The following CRYZL1 variants were observed in gnomAD, a reference collection of about 807,000 sequenced individuals.
The protein encoded by CRYZL1 is crystallin zeta like 1, also known as ferry endosomal RAB5 effector complex subunit 4.
A neutral mutation model predicts 50.6 loss-of-function variants in CRYZL1; 34 were observed. The observed-to-expected ratio is 0.67, with a 90% CI of 0.51 to 0.89. The LOEUF is 0.89. Among genes scored for constraint, CRYZL1 ranks in the 40% least tolerant of loss-of-function variants. The probability of loss-of-function intolerance (pLI) is 0.00; values close to 1 mark genes in which losing one functional copy is unlikely to be tolerated. For synonymous variants in CRYZL1, 125 were observed against 134.3 expected (o/e 0.93, Z 0.48); for missense variants, 354 against 402.3 (o/e 0.88, Z 1.03).
intron 10 of CRYZL1, chr21:33,596,069 G>A (rs1242202538): frequency 1.7e-6 from 1 of 597,450 alleles, no homozygotes. Context: ...AATCCTGGTG[G>A]TGAAGTGGTA....
intron 6 of CRYZL1, among the ~76,000 whole-genome samples, chr21:33,606,471 C>A (rs1174134914): frequency 6.6e-6 from 1 of 150,958 alleles, no homozygotes; most frequent in Non-Finnish European, 1.5e-5. Context: ...ACTAAAAATA[C>A]AAAAATTAGC....
chr21:33,607,585 T>C (rs963710905), intron 6 of CRYZL1, among the ~76,000 whole-genome samples: 1 of 152,100 alleles, frequency 6.6e-6, no homozygotes, highest in Non-Finnish European at 1.5e-5. Flanking sequence ...TGAATTGTGA[T>C]AATTCCACTT....
chr21:33,602,304 T>A lies in CRYZL1; in HGVS notation c.507A>T (p.Gly169=). 6.2e-7 allele frequency: 1 copy of A among 1,612,584 alleles called. No homozygotes were observed. Among genetic ancestry groups the A allele is most frequent in the East Asian group, 2.2e-5 (1 of 44,876 alleles). ...TIAIQLAHHR[G]AKVISTACSL... is the part of the protein sequence containing the mutation. ...TGCATGCTGTTGAAATCACTTTGGC[T>A]CCTCTATGATGTGCTAACTGAATAG... Residue 169 remains glycine (G), a synonymous_variant, in exon 8 of 13, where the codon GGA becomes GGT. Coordinates refer to ENST00000381554, the MANE Select transcript of CRYZL1 (RefSeq NM_145858.3).
chr21:33,636,717 T>A (rs1317707749), intron 1 of CRYZL1, among the ~76,000 whole-genome samples: 1 of 152,236 alleles, frequency 6.6e-6, no homozygotes, highest in Admixed American at 6.5e-5. Context: ...AAAAAATCAA[T>A]GGGAAGTAGT....
At chr21:33,621,508 A>AT (rs2087001282) in intron 4 of CRYZL1, among the ~76,000 whole-genome samples, 1 of 151,266 alleles carries the variant, frequency 6.6e-6, no homozygotes, top group African/African-American at 2.4e-5. Flanking sequence ...CGCCCAGCTA[A>AT]TTTTTTGTAT....
intron 4 of CRYZL1, among the ~76,000 whole-genome samples, chr21:33,621,071 A>C (rs1242892299): frequency 6.8e-6 from 1 of 147,642 alleles, no homozygotes; most frequent in Non-Finnish European, 1.5e-5. Context: ...TCGCCCGGCT[A>C]ATTTTTTGTA....
Position 33,589,701 on chromosome 21 carries a change from A to C in CRYZL1, c.*121T>G, listed in dbSNP as rs1433141576. Reference sequence around the variant, plus strand: ...ACTGAGCATCTTGTCTTAGCAGAGAAACGTGCTTAAAAATGCAACTTGTTT... The same window carrying C: ...ACTGAGCATCTTGTCTTAGCAGAGACACGTGCTTAAAAATGCAACTTGTTT... On this transcript the variant is annotated 3_prime_UTR_variant, in exon 13 of 13. Coordinates refer to ENST00000381554, the MANE Select transcript of CRYZL1 (RefSeq NM_145858.3). 1 of 659,752 alleles carries C rather than the reference A, an allele frequency of 1.5e-6. No homozygotes were observed. The allele number at this position is 659,752 out of a possible 1,614,324, so 40.9% of individuals were successfully genotyped here.
intron 4 of CRYZL1, among the ~76,000 whole-genome samples, chr21:33,621,156 C>T (rs1267981228): frequency 3.3e-5 from 5 of 150,478 alleles, no homozygotes; most frequent in South Asian, 2.1e-4. Context: ...CCGCCCGCCT[C>T]GGCCTCCCAA....
At chr21:33,593,313 C>G (rs531497013) in intron 11 of CRYZL1, among the ~76,000 whole-genome samples, 1 of 151,968 alleles carries the variant, frequency 6.6e-6, no homozygotes, top group Non-Finnish European at 1.5e-5. Context: ...TCACCATGTT[C>G]GCCAGGATGG....
At chr21:33,600,306 T>C (rs562079556) in intron 8 of CRYZL1, among the ~76,000 whole-genome samples, 221 of 152,314 alleles carry the variant, frequency 1.5e-3, no homozygotes, top group Middle Eastern at 3.4e-3. Context: ...CAGATTTTAA[T>C]TGGCTGCATT....
chr21:33,630,522 G>A (rs1362183158), intron 2 of CRYZL1, among the ~76,000 whole-genome samples: 1 of 151,988 alleles, frequency 6.6e-6, no homozygotes, highest in Non-Finnish European at 1.5e-5. Flanking sequence ...GGAGGCAGAG[G>A]TTGCAGTGAG....
rs552653059 is a variant in CRYZL1, at chr21:33,619,466, T to A, written c.217+2530A>T. Among the ~76,000 whole-genome samples the A allele has an allele frequency of 2.6e-5, 4 of 152,382 alleles. 1 individual carries two copies. The highest frequency in any genetic ancestry group is 2.6e-4 in the Admixed American group (4 of 15,306). Reference sequence around the variant, plus strand: ...TCTGGCCCTTGCCTATCCTCCTGCTTCATTTTAGGAAGGCAGGAATTAGTG... The same window carrying A: ...TCTGGCCCTTGCCTATCCTCCTGCTACATTTTAGGAAGGCAGGAATTAGTG... On this transcript the variant is annotated intron_variant, in intron 4 of 12. Transcript: ENST00000381554.
Position 33,602,283 on chromosome 21 carries a change from T to A in CRYZL1, c.528A>T (p.Ala176=). 1 of 1,612,846 alleles carries A rather than the reference T, an allele frequency of 6.2e-7. No homozygotes were observed. Among genetic ancestry groups the A allele is most frequent in the Middle Eastern group, 1.7e-4 (1 of 6,060 alleles). The change falls in exon 8 of 13, where the codon GCA becomes GCT. Residue 176 remains alanine, a synonymous_variant. Transcript: ENST00000381554. ...HHRGAKVIST[A]CSLEDKQCLE... ...GGCACTGCTTATCTTCAAGGCTGCA[T>A]GCTGTTGAAATCACTTTGGCTCCTC...
At chr21:33,603,863 C>T (rs2086782109) in intron 6 of CRYZL1, among the ~76,000 whole-genome samples, 1 of 152,210 alleles carries the variant, frequency 6.6e-6, no homozygotes, top group Non-Finnish European at 1.5e-5. Flanking sequence ...AGAGCACAAC[C>T]ATCACCCCAG....
intron 1 of CRYZL1, among the ~76,000 whole-genome samples, chr21:33,632,668 G>A (rs549296190): frequency 7.2e-5 from 11 of 152,284 alleles, no homozygotes; most frequent in African/African-American, 2.4e-4. Context: ...ATGAGTCACC[G>A]CGCCCGGCTC....
rs1275475000 is a variant in CRYZL1, at chr21:33,627,725, A to T, written c.67-2965T>A. ...AATATCTTTCTACCTCTTCCATTTC[A>T]CATATGAGACATGGTTTTTTTTTTT... On this transcript the variant is annotated intron_variant, in intron 2 of 12. Coordinates refer to ENST00000381554, the MANE Select transcript of CRYZL1 (RefSeq NM_145858.3). Among the ~76,000 whole-genome samples, 3 of 150,106 alleles carry T rather than the reference A, an allele frequency of 2.0e-5. No homozygotes were observed. In the East Asian group the frequency reaches 5.9e-4, roughly 29 times the overall value.
chr21:33,640,399 C>T (rs1361508548), intron 1 of CRYZL1, among the ~76,000 whole-genome samples: 2 of 151,770 alleles, frequency 1.3e-5, no homozygotes, highest in South Asian at 2.1e-4. Flanking sequence ...TCATAACTGA[C>T]CCGAGTTTGA....
chr21:33,616,600 A>G, intron 5 of CRYZL1, 106 bp downstream of exon 5: 1 of 1,578,672 alleles, frequency 6.3e-7, no homozygotes, highest in South Asian at 1.1e-5. Context: ...CCGGGAAAGT[A>G]CTTCTATATG....
intron 6 of CRYZL1, among the ~76,000 whole-genome samples, chr21:33,605,902 T>G (rs1457802090): frequency 6.6e-6 from 1 of 152,094 alleles, no homozygotes; most frequent in Non-Finnish European, 1.5e-5. Flanking sequence ...AAATGCTTCC[T>G]CTAGTAGCAA....
Sources: allele counts gnomAD v4.1 joint callset (sites outside exome capture counted in the v4.1 genomes callset), GRCh38; gene constraint gnomAD v4.1.1; transcripts MANE v1.5; gene names NCBI Gene and HGNC (gene_info 2026-07-23, HGNC 2026-07-21).